The following PCDHGB7 variants were observed in gnomAD, a reference collection of about 807,000 sequenced individuals.
PCDHGB7 encodes the protein protocadherin gamma-B7.
A neutral mutation model predicts 61.4 loss-of-function variants in PCDHGB7; 37 were observed. The observed-to-expected ratio is 0.60, with a 90% CI of 0.46 to 0.79. The LOEUF (loss-of-function observed/expected upper bound fraction) is 0.79. PCDHGB7 is among the 30% of genes least tolerant of loss of function. PCDHGB7 has a pLI of 0.00. For synonymous variants in PCDHGB7, 464 were observed against 503.5 expected (o/e 0.92, Z 1.05); for missense variants, 1,166 against 1,202.5 (o/e 0.97, Z 0.45).
At chr5:141,430,331 T>C (rs1266364984) in intron 1 of PCDHGB7, among the ~76,000 whole-genome samples, 2 of 150,984 alleles carry the variant, frequency 1.3e-5, no homozygotes, top group Non-Finnish European at 2.9e-5. Context: ...TCATTGTTTA[T>C]AGAAACTTCC....
intron 1 of PCDHGB7, chr5:141,427,047 C>T (rs1196561600): frequency 1.1e-5 from 5 of 457,294 alleles, no homozygotes; most frequent in Non-Finnish European, 1.8e-5. Flanking sequence ...GAATGTGCCC[C>T]CAGGCACCTC....
At chr5:141,506,444 CAAAAAAAA>C (rs1219684339) in intron 3 of PCDHGB7, among the ~76,000 whole-genome samples, 24 of 95,024 alleles carry the variant, frequency 2.5e-4, no homozygotes, top group African/African-American at 9.5e-4. Flanking sequence ...CGCTCTGTCT[CAAAAAAAA>C]AAAAAAAAAA....
chr5:141,421,019 C>T, intron 1 of PCDHGB7: 1 of 516,402 alleles, frequency 1.9e-6, no homozygotes, highest in Non-Finnish European at 3.4e-6. Flanking sequence ...TGGGAAGCTG[C>T]GCGCCATTGA....
chr5:141,447,299 C>A (rs543731556), intron 1 of PCDHGB7, among the ~76,000 whole-genome samples: 38 of 152,102 alleles, frequency 2.5e-4, no homozygotes, highest in Middle Eastern at 6.8e-3. Context: ...GCCACCACAC[C>A]CGGCTAATTT....
At chr5:141,452,635 T>C (rs1426970634) in intron 1 of PCDHGB7, among the ~76,000 whole-genome samples, 1 of 152,086 alleles carries the variant, frequency 6.6e-6, no homozygotes, top group Non-Finnish European at 1.5e-5. Context: ...GCTATGAATA[T>C]ATTTACTCAT....
rs376996144 is a variant in PCDHGB7, at chr5:141,491,534, G to C, written c.2416-3273G>C. 3.7e-6 allele frequency: 6 copies of C among 1,613,912 alleles called. No homozygotes were observed. The highest frequency in any genetic ancestry group is 1.3e-5 in the African/African-American group (1 of 74,928). ...CTCAAGTACATGGAGGTGACGCTGC[G>C]GCCCACAGACTCGCAGAGCCACTGC... On this transcript the variant is annotated intron_variant, in intron 1 of 3. Coordinates refer to ENST00000398594, the MANE Select transcript of PCDHGB7 (RefSeq NM_018927.4). This position sits in a 1 kb window ranked among gnomAD's most constrained non-coding sequence, Gnocchi z 6.9.
intron 1 of PCDHGB7, among the ~76,000 whole-genome samples, chr5:141,446,536 GC>G (rs1043723006): frequency 2.0e-5 from 3 of 152,012 alleles, no homozygotes; most frequent in African/African-American, 7.2e-5. Context: ...GAGTGCAGTG[GC>G]CCTATCTCTG....
At chr5:141,460,981 G>GTATA (rs1491204135) in intron 1 of PCDHGB7, among the ~76,000 whole-genome samples, 10 of 121,884 alleles carry the variant, frequency 8.2e-5, no homozygotes, top group African/African-American at 3.1e-4. Context: ...GTGTGTGTGT[G>GTATA]TGTATATATA....
chr5:141,454,908 C>T (rs1370482009), intron 1 of PCDHGB7, among the ~76,000 whole-genome samples: 3 of 145,392 alleles, frequency 2.1e-5, no homozygotes, highest in Non-Finnish European at 4.5e-5. Context: ...CCCGGGTTCA[C>T]GCCATTCTCC....
rs142172414 is a variant in PCDHGB7, at chr5:141,477,145, G to A, written c.2416-17662G>A. On this transcript the variant is annotated intron_variant, in intron 1 of 3. Coordinates refer to ENST00000398594, the MANE Select transcript of PCDHGB7 (RefSeq NM_018927.4). The surrounding 1 kb of genome is among the most constrained non-coding windows in gnomAD (Gnocchi z 4.9). ...ATTGCAAAGTGTTGGTGGAGGTTGT[G>A]GATGTGAATGACAACGCCCCGGAGA... The A allele has an allele frequency of 3.7e-6, 6 of 1,614,054 alleles. No homozygotes were observed. The African/African-American group carries it at 8.0e-5, about 22-fold the overall frequency.
At chr5:141,504,660 C>T (rs1002186811) in intron 2 of PCDHGB7, among the ~76,000 whole-genome samples, 8 of 101,980 alleles carry the variant, frequency 7.8e-5, no homozygotes, top group Admixed American at 5.7e-4. Flanking sequence ...TGTTTGAGGG[C>T]GGGGGGTGGG....
In PCDHGB7 at chr5:141,421,081, A is replaced by C. The variant is rs775366249; in HGVS notation, c.2415+807A>C. 61 of 637,820 alleles carry C rather than the reference A, an allele frequency of 9.6e-5. 1 individual carries two copies. The Middle Eastern group carries it at 2.9e-3, about 31-fold the overall frequency. The allele number at this position is 637,820 out of a possible 1,614,324, so 39.5% of individuals were successfully genotyped here. ...ACAAAGCGGAATGAGATGGATACTCACAGATCCTGACACTGGAGACTTAGA... is the reference window on the plus strand; with the variant it reads ...ACAAAGCGGAATGAGATGGATACTCCCAGATCCTGACACTGGAGACTTAGA... On this transcript the variant is annotated intron_variant, in intron 1 of 3. Coordinates refer to ENST00000398594, the MANE Select transcript of PCDHGB7 (RefSeq NM_018927.4).
At position 141,490,003 on chromosome 5, in the gene PCDHGB7, G is replaced by A. The variant is rs2099694760; in HGVS notation, c.2416-4804G>A. On this transcript the variant is annotated intron_variant, in intron 1 of 3. Transcript: ENST00000398594. This position sits in a 1 kb window ranked among gnomAD's most constrained non-coding sequence, Gnocchi z 5.4. ...TCTACGTGTGGGAATCCCAGAGAAT[G>A]CACCCATTGGTACTCTGCTGCTCCG... 6.2e-7 allele frequency: 1 copy of A among 1,614,204 alleles called. No homozygotes were observed. Among genetic ancestry groups the A allele is most frequent in the Non-Finnish European group, 8.5e-7 (1 of 1,180,008 alleles).
chr5:141,478,045 T>A, intron 1 of PCDHGB7: 1 of 1,614,144 alleles, frequency 6.2e-7, no homozygotes, highest in Non-Finnish European at 8.5e-7. Context: ...CCAGGCAGAC[T>A]CTCACGGTCT....
At position 141,431,896 on chromosome 5, in the gene PCDHGB7, C is replaced by A. The variant is rs1292629023; in HGVS notation, c.2415+11622C>A. The A allele has an allele frequency of 6.2e-7, 1 of 1,613,940 alleles. No homozygotes were observed. The highest frequency in any genetic ancestry group is 1.3e-5 in the African/African-American group (1 of 74,924). On this transcript the variant is annotated intron_variant, in intron 1 of 3. Coordinates refer to ENST00000398594, the MANE Select transcript of PCDHGB7 (RefSeq NM_018927.4). This position sits in a 1 kb window ranked among gnomAD's most constrained non-coding sequence, Gnocchi z 4.8. Reference sequence around the variant, plus strand: ...TAAATGACCAAGATTCTGAGGAAAACGGACAGGTGATCTGTTTCATCCAAG... The same window carrying A: ...TAAATGACCAAGATTCTGAGGAAAAAGGACAGGTGATCTGTTTCATCCAAG...
In PCDHGB7 at chr5:141,420,213, G is replaced by A; in HGVS notation, c.2354G>A (p.Ser785Asn). Residue 785 changes from serine (S) to asparagine (N), a missense_variant, in exon 1 of 4, where the codon AGC becomes AAC. By Grantham distance (46) the Ser-to-Asn change is conservative (BLOSUM62 1). Transcript: ENST00000398594. ...PATQDNLNKDSMLLASILTPS... is the reference protein window; with the variant it reads ...PATQDNLNKDNMLLASILTPS... ...ACACAAGATAACCTCAACAAAGATA[G>A]CATGCTACTGGCTAGCATTTTAACT... 6.2e-7 allele frequency: 1 copy of A among 1,611,648 alleles called. No homozygotes were observed. Among genetic ancestry groups the A allele is most frequent in the Non-Finnish European group, 8.5e-7 (1 of 1,178,056 alleles).
chr5:141,423,970 A>C, intron 1 of PCDHGB7: 1 of 1,143,228 alleles, frequency 8.7e-7, no homozygotes, highest in Non-Finnish European at 1.1e-6. Flanking sequence ...TTCTATTATC[A>C]GTGTATGAGG....
intron 1 of PCDHGB7, among the ~76,000 whole-genome samples, chr5:141,443,486 A>AAAAC (rs1345310906): frequency 6.6e-6 from 1 of 152,166 alleles, no homozygotes; most frequent in Non-Finnish European, 1.5e-5. Flanking sequence ...ACCCTGTCCC[A>AAAAC]AAACAAACAA....
At chr5:141,422,301 G>A (rs777697738) in intron 1 of PCDHGB7, 36 of 1,549,184 alleles carry the variant, frequency 2.3e-5, no homozygotes, top group Non-Finnish European at 3.1e-5. Flanking sequence ...ATTCAATTCT[G>A]GAAAACTCTC....
Sources: allele counts gnomAD v4.1 joint callset (sites outside exome capture counted in the v4.1 genomes callset), GRCh38; gene constraint gnomAD v4.1.1; non-coding constraint Gnocchi (gnomAD v3.1); transcripts MANE v1.5; gene names NCBI Gene and HGNC (gene_info 2026-07-23, HGNC 2026-07-21).